Variants in ANKHD1 observed in about 807,000 individuals in gnomAD.
The protein encoded by ANKHD1 is ankyrin repeat and KH domain-containing protein 1.
Under a neutral mutation model 230.5 loss-of-function variants are expected in ANKHD1, and 31 were observed. The observed-to-expected ratio is 0.13, with a 90% CI of 0.10 to 0.18. The LOEUF is 0.18. Ranked by LOEUF, ANKHD1 falls within the 10% of genes least tolerant of loss-of-function variation. The probability of loss-of-function intolerance (pLI) is 1.00; values close to 1 mark genes in which losing one functional copy is unlikely to be tolerated. For missense variants in ANKHD1, 2,256 were observed against 3,071.3 expected (o/e 0.73, Z 6.27); for synonymous variants, 1,074 against 1,117.6 (o/e 0.96, Z 0.78).
intron 31 of ANKHD1, among the ~76,000 whole-genome samples, chr5:140,537,844 T>C (rs1366902053): frequency 6.6e-6 from 1 of 152,154 alleles, no homozygotes; most frequent in Admixed American, 6.5e-5. Flanking sequence ...AAATAATCAT[T>C]TGAGTTCTTT....
At chr5:140,508,113 A>C in intron 20 of ANKHD1, 115 bp downstream of exon 20, 3 of 1,338,210 alleles carry the variant, frequency 2.2e-6, no homozygotes, top group Middle Eastern at 2.7e-4. Context: ...ACTGATACCA[A>C]TGCAGAGTTG....
chr5:140,505,385 C>G (rs1752495769), intron 17 of ANKHD1, 152 bp downstream of exon 17: 1 of 1,018,098 alleles, frequency 9.8e-7, no homozygotes, highest in African/African-American at 1.6e-5. Flanking sequence ...TTCTGCGGAG[C>G]CAAATAATTC....
chr5:140,512,547 C>A (rs781435902), intron 22 of ANKHD1, among the ~76,000 whole-genome samples: 10 of 152,128 alleles, frequency 6.6e-5, no homozygotes, highest in Non-Finnish European at 1.5e-4. Flanking sequence ...GGATTAAATT[C>A]AGGAGAAATG....
chr5:140,427,622 A>G (rs1196653514), intron 1 of ANKHD1, among the ~76,000 whole-genome samples: 1 of 132,378 alleles, frequency 7.6e-6, no homozygotes, highest in African/African-American at 2.9e-5. Flanking sequence ...TCCCTCCCGG[A>G]CGGGGCGGCT....
At chr5:140,418,995 T>G (rs772944773) in intron 1 of ANKHD1, among the ~76,000 whole-genome samples, 10 of 152,258 alleles carry the variant, frequency 6.6e-5, no homozygotes, top group African/African-American at 1.2e-4. Flanking sequence ...CCTCCCAAAG[T>G]GCTGGAGTTA....
rs1753658460 is a variant in ANKHD1, at chr5:140,527,522, T to C, written c.5088-351T>C. On this transcript the variant is annotated intron_variant, in intron 27 of 33. Transcript: ENST00000360839. This position sits in a 1 kb window ranked among gnomAD's most constrained non-coding sequence, Gnocchi z 4.5. ...TTATTCTGTGTGGATTTTAATAATA[T>C]GGTATTCATTATTTTAACAGGGTCA... The C allele has an allele frequency of 9.6e-6, 2 of 208,150 alleles. No homozygotes were observed. The allele number at this position is 208,150 out of a possible 1,614,324, so 12.9% of individuals were successfully genotyped here. A position where few individuals can be genotyped will look rare whatever the true frequency, so the allele number is the denominator to read the frequency against.
In ANKHD1 at chr5:140,491,105, TATAC is replaced by T. The variant is rs1297669005; in HGVS notation, c.2245+4047_2245+4050del. 1.3e-3 allele frequency among the ~76,000 whole-genome samples: 165 copies of T among 122,892 alleles called. No individual in the cohort carries two copies. In the South Asian group the frequency reaches 0.021, roughly 16 times the overall value. 80.6% of individuals were successfully genotyped at this position (122,892 alleles called of 152,430 possible). ...ATGTGTGTGTGTGTATATATATATA[TATAC>T]ACACACACACATATATATATATATA... On this transcript the variant is annotated intron_variant, in intron 14 of 33. Transcript: ENST00000360839.
At chr5:140,458,111 T>C (rs1278724323) in intron 7 of ANKHD1, among the ~76,000 whole-genome samples, 2 of 152,228 alleles carry the variant, frequency 1.3e-5, no homozygotes, top group Non-Finnish European at 2.9e-5. Flanking sequence ...GACATTTATG[T>C]TGGTGACATA....
chr5:140,535,667 G>T (rs1358693138), intron 30 of ANKHD1, 129 bp downstream of exon 30: 8 of 1,238,578 alleles, frequency 6.5e-6, no homozygotes, highest in Non-Finnish European at 7.3e-6. Flanking sequence ...TTTGTTCTGT[G>T]GTCATGTGAA....
At chr5:140,502,391 A>G (rs1455530332) in intron 15 of ANKHD1, among the ~76,000 whole-genome samples, 1 of 152,198 alleles carries the variant, frequency 6.6e-6, no homozygotes, top group East Asian at 1.9e-4. Flanking sequence ...GTAACAACAC[A>G]TTTTTGTTAA....
intron 14 of ANKHD1, among the ~76,000 whole-genome samples, chr5:140,494,652 A>G (rs1751945381): frequency 6.6e-6 from 1 of 152,200 alleles, no homozygotes; most frequent in Admixed American, 6.5e-5. Context: ...CTATTCTAGC[A>G]AAAAAGTAGA....
intron 6 of ANKHD1, among the ~76,000 whole-genome samples, chr5:140,446,996 G>T (rs185969545): frequency 6.6e-6 from 1 of 151,726 alleles, no homozygotes; most frequent in African/African-American, 2.4e-5. Context: ...TGCAACTTCC[G>T]CCTCCCGGGT....
intron 14 of ANKHD1, among the ~76,000 whole-genome samples, chr5:140,491,308 T>G (rs1320994950): frequency 6.7e-6 from 1 of 150,012 alleles, no homozygotes; most frequent in Non-Finnish European, 1.5e-5. Flanking sequence ...GGACTACAGG[T>G]GCCCTGCCAC....
chr5:140,473,026 CTTT>C (rs67081504), intron 10 of ANKHD1, among the ~76,000 whole-genome samples: 22 of 131,120 alleles, frequency 1.7e-4, no homozygotes, highest in Non-Finnish European at 1.8e-4. Flanking sequence ...ATCTAAGTTT[CTTT>C]TTTTTTTTTT....
In ANKHD1 at chr5:140,486,957, G is replaced by A. The variant is rs773452615; in HGVS notation, c.2143-1G>A. On this transcript the variant is annotated splice_acceptor_variant, in intron 13 of 33. Transcript: ENST00000360839. LOFTEE classifies it high-confidence loss of function. ...GATTTTTTTCTGAGTTGACTTTTTAGGTGCCACGTGTGCCAACGCATACAC... is the reference window on the plus strand; with the variant it reads ...GATTTTTTTCTGAGTTGACTTTTTAAGTGCCACGTGTGCCAACGCATACAC... 2.9e-5 allele frequency: 46 copies of A among 1,607,184 alleles called. No individual in the cohort carries two copies. In the Admixed American group the frequency reaches 7.6e-4, roughly 27 times the overall value.
At chr5:140,440,412 A>G in intron 4 of ANKHD1, 146 bp downstream of exon 4, 10 of 1,243,102 alleles carry the variant, frequency 8.0e-6, no homozygotes, top group Non-Finnish European at 1.0e-5. Context: ...TGGGTAAAGT[A>G]GAAACAGATA....
intron 1 of ANKHD1, among the ~76,000 whole-genome samples, chr5:140,419,308 G>A (rs1217736242): frequency 1.2e-5 from 1 of 80,866 alleles, no homozygotes; most frequent in Non-Finnish European, 2.9e-5. Flanking sequence ...CTGTTGATTG[G>A]GTTTTTTTTA....
At chr5:140,462,425 A>G (rs539070903) in intron 9 of ANKHD1, among the ~76,000 whole-genome samples, 12 of 152,240 alleles carry the variant, frequency 7.9e-5, no homozygotes, top group African/African-American at 2.9e-4. Context: ...TTAAATACAA[A>G]TCATCATATA....
At position 140,528,772 on chromosome 5, in the gene ANKHD1, T is replaced by A. The variant is rs1047614219; in HGVS notation, c.5826T>A (p.Ala1942=). 16 of 1,614,054 alleles carry A rather than the reference T, an allele frequency of 9.9e-6. No individual in the cohort carries two copies. The highest frequency in any genetic ancestry group is 6.7e-5 in the African/African-American group (5 of 74,928). Residue 1942 remains alanine (A), a synonymous_variant, in exon 29 of 34, where the codon GCT becomes GCA. Transcript: ENST00000360839. ...SCPITVSSVV[A]ASQQLCVTNT... Reference sequence around the variant, plus strand: ...CTATCACTGTCTCTTCTGTAGTTGCTGCCAGTCAGCAACTGTGTGTCACTA... The same window carrying A: ...CTATCACTGTCTCTTCTGTAGTTGCAGCCAGTCAGCAACTGTGTGTCACTA...
Sources: allele counts gnomAD v4.1 joint callset (sites outside exome capture counted in the v4.1 genomes callset), GRCh38; gene constraint gnomAD v4.1.1; non-coding constraint Gnocchi (gnomAD v3.1); transcripts MANE v1.5; gene names NCBI Gene and HGNC (gene_info 2026-07-23, HGNC 2026-07-21).